GCGR: variants seen among roughly 807,000 people sequenced by gnomAD.
GCGR encodes glucagon receptor.
In GCGR, 41 loss-of-function variants were observed where a neutral mutation model predicts 56.1. That is an observed-to-expected ratio of 0.73 (90% CI 0.57 to 0.95). The LOEUF (loss-of-function observed/expected upper bound fraction) is 0.95. Ranked by LOEUF, GCGR falls within the 40% of genes least tolerant of loss-of-function variation. The pLI, the probability that GCGR is intolerant of heterozygous loss-of-function variation, is 0.00. For synonymous variants in GCGR, 278 were observed against 271.1 expected (o/e 1.03, Z -0.25); for missense variants, 595 against 638.2 (o/e 0.93, Z 0.73).
At position 81,804,819 on chromosome 17, in the gene GCGR, G is replaced by A. The variant is rs2037916972; in HGVS notation, c.-178+570G>A. Reference sequence around the variant, plus strand: ...CGGCAAGCGGGTCACTGCCCTGCCCGGCTCCGGCCCCCCCGGCGCCCCACC... The same window carrying A: ...CGGCAAGCGGGTCACTGCCCTGCCCAGCTCCGGCCCCCCCGGCGCCCCACC... On this transcript the variant is annotated intron_variant, in intron 1 of 13. Coordinates refer to ENST00000400723, the MANE Select transcript of GCGR (RefSeq NM_000160.5). The surrounding 1 kb of genome is among the most constrained non-coding windows in gnomAD (Gnocchi z 8.2). 6.6e-6 allele frequency among the ~76,000 whole-genome samples: 1 copy of A among 152,088 alleles called. No homozygotes were observed. The highest frequency in any genetic ancestry group is 2.4e-5 in the African/African-American group (1 of 41,434).
At chr17:81,805,645 CTATTGGGCACCTCGGGAACCCCCA>C (rs1157101776) in intron 1 of GCGR, among the ~76,000 whole-genome samples, 1 of 148,534 alleles carries the variant, frequency 6.7e-6, no homozygotes, top group Non-Finnish European at 1.5e-5. Context: ...GGGAACCCCC[CTATTGGGCACCTCGGGAACCCCCA>C]CATTGGGCAC....
Position 81,804,714 on chromosome 17 carries a change from G to A in GCGR, c.-178+465G>A, listed in dbSNP as rs1401924858. On this transcript the variant is annotated intron_variant, in intron 1 of 13. Transcript: ENST00000400723. This position sits in a 1 kb window ranked among gnomAD's most constrained non-coding sequence, Gnocchi z 8.2. ...CCGAGGACTGCCCGGTGGCACCGGC[G>A]CGGCCCAGGATGGGGTGAGGGGTGT... Among the ~76,000 whole-genome samples the A allele has an allele frequency of 6.6e-6, 1 of 152,162 alleles. No individual in the cohort carries two copies. The highest frequency in any genetic ancestry group is 1.5e-5 in the Non-Finnish European group (1 of 68,010).
In GCGR at chr17:81,812,255, G is replaced by A; in HGVS notation, c.948+3G>A. On this transcript the variant is annotated splice_donor_region_variant and intron_variant, in intron 10 of 13. Coordinates refer to ENST00000400723, the MANE Select transcript of GCGR (RefSeq NM_000160.5). The surrounding 1 kb of genome is among the most constrained non-coding windows in gnomAD (Gnocchi z 8.5). ...TCCCCGTCTTCCTGGCCATCCTGGT[G>A]AGGAAATGAAGAGCCAGGAGCGCAC... is the stretch of plus-strand genomic sequence containing the variant. 1 of 1,535,576 alleles carries A rather than the reference G, an allele frequency of 6.5e-7. No individual in the cohort carries two copies. Among genetic ancestry groups the A allele is most frequent in the Non-Finnish European group, 8.7e-7 (1 of 1,146,780 alleles).
intron 2 of GCGR, 65 bp downstream of exon 2, chr17:81,809,143 TCTGTCTGCCTGCCTGC>T (rs1160325169): frequency 2.0e-6 from 3 of 1,501,908 alleles, no homozygotes; most frequent in African/African-American, 2.8e-5. Flanking sequence ...CTGATGGCTC[TCTGTCTGCCTGCCTGC>T]CTGCCTGCCT....
Position 81,812,804 on chromosome 17 carries a change from C to A in GCGR, c.1038-3C>A. 6.5e-7 allele frequency: 1 copy of A among 1,535,678 alleles called. No homozygotes were observed. Among genetic ancestry groups the A allele is most frequent in the Non-Finnish European group, 8.7e-7 (1 of 1,146,732 alleles). On this transcript the variant is annotated splice_region_variant and splice_polypyrimidine_tract_variant and intron_variant, in intron 11 of 13. Coordinates refer to ENST00000400723, the MANE Select transcript of GCGR (RefSeq NM_000160.5). The surrounding 1 kb of genome is among the most constrained non-coding windows in gnomAD (Gnocchi z 8.5). ...GTGGGTGACTCAGGCGCTGCCTCTG[C>A]AGGCTGGCCAAGTCCACGCTGACCC...
Position 81,804,578 on chromosome 17 carries a change from C to T in GCGR, c.-178+329C>T, listed in dbSNP as rs1203874159. 6.6e-6 allele frequency among the ~76,000 whole-genome samples: 1 copy of T among 151,862 alleles called. No homozygotes were observed. Among genetic ancestry groups the T allele is most frequent in the African/African-American group, 2.4e-5 (1 of 41,374 alleles). Reference sequence around the variant, plus strand: ...CGGCCACACTGCAGCGGCCACACTCCCCACTCAGGGCCCCGGGCCCCGCCG... The same window carrying T: ...CGGCCACACTGCAGCGGCCACACTCTCCACTCAGGGCCCCGGGCCCCGCCG... On this transcript the variant is annotated intron_variant, in intron 1 of 13. Coordinates refer to ENST00000400723, the MANE Select transcript of GCGR (RefSeq NM_000160.5). This position sits in a 1 kb window ranked among gnomAD's most constrained non-coding sequence, Gnocchi z 8.2.
intron 1 of GCGR, among the ~76,000 whole-genome samples, chr17:81,805,965 C>T (rs186612360): frequency 1.7e-3 from 257 of 152,272 alleles, no homozygotes; most frequent in African/African-American, 5.6e-3. Context: ...TGTCTCCTCT[C>T]GGGGGAGAGG....
chr17:81,809,737 G>C, intron 2 of GCGR, 45 bp from the exon 3 acceptor site: 1 of 1,453,460 alleles, frequency 6.9e-7, no homozygotes, highest in Non-Finnish European at 9.3e-7. Flanking sequence ...CTGTCTGCCT[G>C]CCTGTCTGTC....
Position 81,811,765 on chromosome 17 carries a change from C to A in GCGR, c.772C>A (p.Leu258Ile), listed in dbSNP as rs1373549347. The change falls in exon 8 of 14, where the codon CTC (leucine) becomes ATC (isoleucine). Residue 258 changes from leucine to isoleucine, a missense_variant. By Grantham distance (5) the Leu-to-Ile change is conservative. Coordinates refer to ENST00000400723, the MANE Select transcript of GCGR (RefSeq NM_000160.5). The surrounding 1 kb of genome is among the most constrained non-coding windows in gnomAD (Gnocchi z 5.8). ...YLHNLLGLAT[L>I]PERSFFSLYL... The stretch of plus-strand genomic sequence containing the variant: ...GCACAACCTGCTGGGCCTGGCCACC[C>A]TCCCCGAGAGGAGCTTCTTCAGCCT... The A allele has an allele frequency of 1.3e-6, 2 of 1,538,450 alleles. No individual in the cohort carries two copies. The highest frequency in any genetic ancestry group is 4.9e-5 in the East Asian group (2 of 41,008).
rs1341974054 is a variant in GCGR, at chr17:81,806,581, G to T, written c.-177-2261G>T. Reference sequence around the variant, plus strand: ...TGCCCGGCTGGAAGGTGGGGCCCTGGCACGCGAGGACCTCATGTGTGGAGG... The same window carrying T: ...TGCCCGGCTGGAAGGTGGGGCCCTGTCACGCGAGGACCTCATGTGTGGAGG... On this transcript the variant is annotated intron_variant, in intron 1 of 13. Coordinates refer to ENST00000400723, the MANE Select transcript of GCGR (RefSeq NM_000160.5). The surrounding 1 kb of genome is among the most constrained non-coding windows in gnomAD (Gnocchi z 6.5). Among the ~76,000 whole-genome samples the T allele has an allele frequency of 6.6e-6, 1 of 152,196 alleles. No homozygotes were observed. The highest frequency in any genetic ancestry group is 1.5e-5 in the Non-Finnish European group (1 of 68,018).
At position 81,813,580 on chromosome 17, in the gene GCGR, G is replaced by A; in HGVS notation, c.1325G>A (p.Gly442Asp). ...NHRASSSPGH[G>D]PPSKELQFGR... ...AGGGCCTCATCTTCGCCCGGCCACG[G>A]CCCTCCCAGCAAGGAGCTGCAGTTT... is the stretch of plus-strand genomic sequence containing the variant. The change falls in exon 14 of 14, where the codon GGC becomes GAC. Residue 442 changes from glycine to aspartate, a missense_variant. Physicochemically the swap from Gly to Asp is moderately conservative, Grantham distance 94. Coordinates refer to ENST00000400723, the MANE Select transcript of GCGR (RefSeq NM_000160.5). The surrounding 1 kb of genome is among the most constrained non-coding windows in gnomAD (Gnocchi z 5.3). 3 of 1,536,482 alleles carry A rather than the reference G, an allele frequency of 2.0e-6. No individual in the cohort carries two copies. Among genetic ancestry groups the A allele is most frequent in the Non-Finnish European group, 2.6e-6 (3 of 1,146,850 alleles).
chr17:81,808,896 G>C lies in GCGR; in HGVS notation c.-123G>C. On this transcript the variant is annotated 5_prime_UTR_variant, in exon 2 of 14. Coordinates refer to ENST00000400723, the MANE Select transcript of GCGR (RefSeq NM_000160.5). ...GGGAGGACACCCCACTGGCCAGGAC[G>C]CCCCAGGCTCTGCTGCTCTGCCACT... The C allele has an allele frequency of 3.3e-6, 4 of 1,211,340 alleles. No individual in the cohort carries two copies. Among genetic ancestry groups the C allele is most frequent in the Non-Finnish European group, 3.5e-6 (3 of 854,112 alleles). 75.0% of individuals were successfully genotyped at this position (1,211,340 alleles called of 1,614,324 possible).
Position 81,813,631 on chromosome 17 carries a change from C to G in GCGR, c.1376C>G (p.Ser459Ter), listed in dbSNP as rs2038153778. 1 of 1,536,302 alleles carries G rather than the reference C, an allele frequency of 6.5e-7. No individual in the cohort carries two copies. The highest frequency in any genetic ancestry group is 1.4e-5 in the African/African-American group (1 of 73,016). ...GGGAGGGGTGGTGGCAGCCAGGATT[C>G]ATCTGCGGAGACCCCCTTGGCTGGT... ...QFGRGGGSQD[S>*]SAETPLAGGL... is the part of the protein sequence containing the mutation. Residue 459 changes from serine (S) to a stop codon, truncating the protein, a stop_gained, in exon 14 of 14, where the codon TCA becomes TGA. Coordinates refer to ENST00000400723, the MANE Select transcript of GCGR (RefSeq NM_000160.5). LOFTEE classifies it low-confidence loss of function (END_TRUNC). The surrounding 1 kb of genome is among the most constrained non-coding windows in gnomAD (Gnocchi z 5.3).
At position 81,813,630 on chromosome 17, in the gene GCGR, T is replaced by C. The variant is rs1444287207; in HGVS notation, c.1375T>C (p.Ser459Pro). The C allele has an allele frequency of 1.3e-6, 2 of 1,536,276 alleles. No individual in the cohort carries two copies. The highest frequency in any genetic ancestry group is 1.7e-6 in the Non-Finnish European group (2 of 1,146,844). Residue 459 changes from serine to proline, a missense_variant, in exon 14 of 14, where the codon TCA becomes CCA. Physicochemically the swap from Ser to Pro is moderately conservative, Grantham distance 74. Coordinates refer to ENST00000400723, the MANE Select transcript of GCGR (RefSeq NM_000160.5). This position sits in a 1 kb window ranked among gnomAD's most constrained non-coding sequence, Gnocchi z 5.3. The stretch of plus-strand genomic sequence containing the variant: ...TGGGAGGGGTGGTGGCAGCCAGGAT[T>C]CATCTGCGGAGACCCCCTTGGCTGG... ...QFGRGGGSQDSSAETPLAGGL... is the reference protein window; with the variant it reads ...QFGRGGGSQDPSAETPLAGGL...
At position 81,809,163 on chromosome 17, in the gene GCGR, C is replaced by A. The variant is rs7406194; in HGVS notation, c.60+85C>A. ...GGCTCTCTGTCTGCCTGCCTGCCTG[C>A]CTGCCTGTCTGCCTGCCTGTCTGTC... On this transcript the variant is annotated intron_variant, in intron 2 of 13. Transcript: ENST00000400723. 3 of 1,269,488 alleles carry A rather than the reference C, an allele frequency of 2.4e-6. No individual in the cohort carries two copies. In the East Asian group the frequency reaches 8.0e-5, roughly 34 times the overall value. 78.6% of individuals were successfully genotyped at this position (1,269,488 alleles called of 1,614,324 possible).
In GCGR at chr17:81,812,901, C is replaced by T. The variant is rs1474100584; in HGVS notation, c.1132C>T (p.Arg378Cys). The change falls in exon 12 of 14, where the codon CGC becomes TGC. Residue 378 changes from arginine to cysteine, a missense_variant. By Grantham distance (180) the Arg-to-Cys change is radical. Coordinates refer to ENST00000400723, the MANE Select transcript of GCGR (RefSeq NM_000160.5). The surrounding 1 kb of genome is among the most constrained non-coding windows in gnomAD (Gnocchi z 8.5). ...VTDEHAQGTL[R>C]SAKLFFDLFL... The stretch of plus-strand genomic sequence containing the variant: ...GGACGAGCACGCCCAGGGCACCCTG[C>T]GCTCCGCCAAGCTCTTCTTCGACCT... The T allele has an allele frequency of 1.4e-5, 22 of 1,535,998 alleles. No homozygotes were observed. Among genetic ancestry groups the T allele is most frequent in the African/African-American group, 4.1e-5 (3 of 73,032 alleles).
Position 81,810,368 on chromosome 17 carries a change from G to C in GCGR, c.164-457G>C. 1 of 329,404 alleles carries C rather than the reference G, an allele frequency of 3.0e-6. No individual in the cohort carries two copies. The highest frequency in any genetic ancestry group is 2.8e-5 in the South Asian group (1 of 35,134). 20.4% of individuals were successfully genotyped at this position (329,404 alleles called of 1,614,324 possible). A position where few individuals can be genotyped will look rare whatever the true frequency, so the allele number is the denominator to read the frequency against. On this transcript the variant is annotated intron_variant, in intron 3 of 13. Transcript: ENST00000400723. The surrounding 1 kb of genome is among the most constrained non-coding windows in gnomAD (Gnocchi z 4.6). ...GGAGGCAGCCACCACTGGGCAGAGG[G>C]GGGCAGGTGTGGCAGCCTCCATTGG...
At position 81,804,304 on chromosome 17, in the gene GCGR, A is replaced by G. The variant is rs1338986915; in HGVS notation, c.-178+55A>G. On this transcript the variant is annotated intron_variant, in intron 1 of 13. Coordinates refer to ENST00000400723, the MANE Select transcript of GCGR (RefSeq NM_000160.5). This position sits in a 1 kb window ranked among gnomAD's most constrained non-coding sequence, Gnocchi z 8.2. ...ACGTTGGGGAGTCGACCCGGTGGGG[A>G]CAGAGACCGCGGGGCGGGCGCGGCG... The G allele has an allele frequency of 6.6e-6, 1 of 151,510 alleles. No individual in the cohort carries two copies. The highest frequency in any genetic ancestry group is 2.0e-4 in the East Asian group (1 of 5,044). 9.4% of individuals were successfully genotyped at this position (151,510 alleles called of 1,614,324 possible). A position where few individuals can be genotyped will look rare whatever the true frequency, so the allele number is the denominator to read the frequency against.
rs938741500 is a variant in GCGR, at chr17:81,809,895, C to A, written c.163+11C>A. Reference sequence around the variant, plus strand: ...TGCCCCCTCCCACGGGTGAGCCCCCCACCCAGAGCCTTTCAGCCTGTGCCT... The same window carrying A: ...TGCCCCCTCCCACGGGTGAGCCCCCAACCCAGAGCCTTTCAGCCTGTGCCT... On this transcript the variant is annotated intron_variant, in intron 3 of 13. Coordinates refer to ENST00000400723, the MANE Select transcript of GCGR (RefSeq NM_000160.5). The A allele has an allele frequency of 1.3e-6, 2 of 1,517,386 alleles. No homozygotes were observed. Among genetic ancestry groups the A allele is most frequent in the African/African-American group, 1.4e-5 (1 of 72,852 alleles). The allele number at this position is 1,517,386 out of a possible 1,614,324, so 94.0% of individuals were successfully genotyped here. A position where few individuals can be genotyped will look rare whatever the true frequency, so the allele number is the denominator to read the frequency against.
Sources: gnomAD v4.1 joint callset for allele counts (sites outside exome capture counted in the v4.1 genomes callset) on GRCh38, gnomAD v4.1.1 for gene constraint, Gnocchi (gnomAD v3.1) non-coding constraint, MANE v1.5 for transcripts, NCBI Gene and HGNC (gene_info 2026-07-23, HGNC 2026-07-21) for gene names.